Variants in PPP3CC observed in about 807,000 individuals in gnomAD.
The protein encoded by PPP3CC is protein phosphatase 3 catalytic subunit gamma, also known as serine/threonine-protein phosphatase 2B catalytic subunit gamma isoform.
Under a neutral mutation model 60.3 loss-of-function variants are expected in PPP3CC, and 35 were observed. The ratio of observed to expected loss-of-function variants is 0.58; its 90% CI spans 0.44 to 0.77. The LOEUF (loss-of-function observed/expected upper bound fraction) is 0.77. PPP3CC is among the 30% of genes least tolerant of loss of function. PPP3CC has a pLI of 0.00. For synonymous variants in PPP3CC, 206 were observed against 224.3 expected (o/e 0.92, Z 0.73); for missense variants, 570 against 628.9 (o/e 0.91, Z 1.00).
In PPP3CC at chr8:22,522,487, C is replaced by T. The variant is rs1032730868; in HGVS notation, c.771-4C>T. On this transcript the variant is annotated splice_region_variant and splice_polypyrimidine_tract_variant and intron_variant, in intron 6 of 13. Transcript: ENST00000240139. Reference sequence around the variant, plus strand: ...GATTTATGTTTTCTAATTTTCTTTTCCAGTTACCCTGCAGTTTGTGAATTT... The same window carrying T: ...GATTTATGTTTTCTAATTTTCTTTTTCAGTTACCCTGCAGTTTGTGAATTT... 6.3e-7 allele frequency: 1 copy of T among 1,593,282 alleles called. No homozygotes were observed.
At chr8:22,464,321 G>T (rs1015474577) in intron 1 of PPP3CC, among the ~76,000 whole-genome samples, 1 of 151,978 alleles carries the variant, frequency 6.6e-6, no homozygotes, top group African/African-American at 2.4e-5. Flanking sequence ...TTACCTAGTG[G>T]CCATTTATTA....
intron 1 of PPP3CC, among the ~76,000 whole-genome samples, chr8:22,473,772 C>G (rs987619405): frequency 3.3e-5 from 5 of 151,662 alleles, no homozygotes; most frequent in African/African-American, 1.2e-4. Context: ...GGCCCCTTAT[C>G]CATTCTTTTA....
chr8:22,535,993 A>C (rs779167449), intron 12 of PPP3CC, among the ~76,000 whole-genome samples: 2 of 152,110 alleles, frequency 1.3e-5, no homozygotes, highest in Non-Finnish European at 2.9e-5. Context: ...CAGCCTCCCA[A>C]AGTGCTAGGA....
chr8:22,453,706 T>C (rs1837104169), intron 1 of PPP3CC, among the ~76,000 whole-genome samples: 1 of 152,232 alleles, frequency 6.6e-6, no homozygotes, highest in African/African-American at 2.4e-5. Context: ...ACACCTAGGC[T>C]GTATGGTATA....
intron 4 of PPP3CC, among the ~76,000 whole-genome samples, chr8:22,501,428 C>T (rs1246296117): frequency 6.6e-6 from 1 of 152,168 alleles, no homozygotes; most frequent in African/African-American, 2.4e-5. Context: ...TCACTGAAAT[C>T]AAGGTGTTGC....
chr8:22,516,398 C>G (rs556669615), intron 6 of PPP3CC, among the ~76,000 whole-genome samples: 1 of 152,330 alleles, frequency 6.6e-6, no homozygotes, highest in South Asian at 2.1e-4. Flanking sequence ...ATCAACTTGG[C>G]AATATCTTTC....
intron 3 of PPP3CC, among the ~76,000 whole-genome samples, chr8:22,490,076 G>A (rs1458606542): frequency 1.3e-5 from 2 of 151,812 alleles, no homozygotes; most frequent in African/African-American, 4.8e-5. Context: ...ACCCACCTTG[G>A]CCTCCCAAAG....
intron 4 of PPP3CC, among the ~76,000 whole-genome samples, chr8:22,504,618 A>T (rs1483355734): frequency 6.6e-6 from 1 of 152,130 alleles, no homozygotes; most frequent in Non-Finnish European, 1.5e-5. Flanking sequence ...AATTTTTGAC[A>T]TATCATTTGT....
chr8:22,529,665 G>A (rs974598461), intron 10 of PPP3CC, among the ~76,000 whole-genome samples: 1 of 152,006 alleles, frequency 6.6e-6, no homozygotes, highest in Admixed American at 6.6e-5. Context: ...TGTATTTTTA[G>A]TATAGATGGG....
chr8:22,533,074 C>A, intron 12 of PPP3CC, 56 bp downstream of exon 12: 2 of 1,297,120 alleles, frequency 1.5e-6, no homozygotes, highest in South Asian at 1.5e-5. Context: ...TAACAGTCAG[C>A]ACACACTTAC....
chr8:22,534,667 G>C (rs2117154250), intron 12 of PPP3CC, among the ~76,000 whole-genome samples: 1 of 152,246 alleles, frequency 6.6e-6, no homozygotes, highest in Admixed American at 6.5e-5. Context: ...ATTCATAATA[G>C]CTCAAAGCTG....
At chr8:22,531,021 A>G (rs1256051618) in intron 10 of PPP3CC, among the ~76,000 whole-genome samples, 4 of 152,062 alleles carry the variant, frequency 2.6e-5, no homozygotes, top group Non-Finnish European at 5.9e-5. Flanking sequence ...TGTTATTTTC[A>G]TGATCTGTGG....
intron 1 of PPP3CC, among the ~76,000 whole-genome samples, chr8:22,469,499 C>T (rs895484872): frequency 1.3e-5 from 2 of 151,930 alleles, no homozygotes; most frequent in African/African-American, 4.8e-5. Context: ...TGGCTTAATA[C>T]TATGCATAAT....
intron 1 of PPP3CC, among the ~76,000 whole-genome samples, chr8:22,462,370 G>A (rs1025048460): frequency 6.6e-6 from 1 of 152,184 alleles, no homozygotes; most frequent in Non-Finnish European, 1.5e-5. Flanking sequence ...CAAGCAATTT[G>A]TAGTGTAATT....
At chr8:22,464,666 G>A (rs1450712454) in intron 1 of PPP3CC, among the ~76,000 whole-genome samples, 2 of 152,122 alleles carry the variant, frequency 1.3e-5, no homozygotes, top group African/African-American at 4.8e-5. Flanking sequence ...CTTTTTATAG[G>A]TGTGAGTCAT....
intron 1 of PPP3CC, among the ~76,000 whole-genome samples, chr8:22,444,681 A>T (rs1358541264): frequency 6.6e-6 from 1 of 152,194 alleles, no homozygotes; most frequent in Non-Finnish European, 1.5e-5. Context: ...ATGTTTATTG[A>T]GTGCCATCTG....
intron 10 of PPP3CC, chr8:22,531,183 C>A: frequency 1.1e-6 from 1 of 912,396 alleles, no homozygotes; most frequent in Non-Finnish European, 1.7e-6. Flanking sequence ...AGATAATAGC[C>A]TGTTTCTCTC....
At chr8:22,481,659 C>T (rs569054370) in intron 3 of PPP3CC, among the ~76,000 whole-genome samples, 2 of 151,994 alleles carry the variant, frequency 1.3e-5, no homozygotes, top group African/African-American at 2.4e-5. Flanking sequence ...CTGTCATCTA[C>T]ATTAGGTACT....
At chr8:22,519,604 T>C (rs1416520869) in intron 6 of PPP3CC, among the ~76,000 whole-genome samples, 1 of 152,226 alleles carries the variant, frequency 6.6e-6, no homozygotes, top group Admixed American at 6.5e-5. Context: ...CAATGACGTA[T>C]AGAAACTCTA....
Sources: allele counts gnomAD v4.1 joint callset (sites outside exome capture counted in the v4.1 genomes callset), GRCh38; gene constraint gnomAD v4.1.1; transcripts MANE v1.5; gene names NCBI Gene and HGNC (gene_info 2026-07-23, HGNC 2026-07-21).